TRAPPC9: variants seen among roughly 807,000 people sequenced by gnomAD.
The protein encoded by TRAPPC9 is IKK2 binding protein.
Under a neutral mutation model 124.0 loss-of-function variants are expected in TRAPPC9, and 83 were observed. The observed-to-expected ratio is 0.67, with a 90% CI of 0.56 to 0.80. The LOEUF is 0.80. Among genes scored for constraint, TRAPPC9 ranks in the 30% least tolerant of loss-of-function variants. TRAPPC9 has a pLI of 0.00. For synonymous variants in TRAPPC9, 638 were observed against 617.5 expected (o/e 1.03, Z -0.49); for missense variants, 1,302 against 1,508.3 (o/e 0.86, Z 2.27).
At chr8:140,336,847 G>A (rs1024019683) in intron 9 of TRAPPC9, among the ~76,000 whole-genome samples, 7 of 152,178 alleles carry the variant, frequency 4.6e-5, no homozygotes, top group Admixed American at 3.3e-4. Flanking sequence ...GGAAGAAGAC[G>A]AATTCCACAT....
intron 17 of TRAPPC9, among the ~76,000 whole-genome samples, chr8:140,124,766 G>A (rs918534752): frequency 1.3e-5 from 2 of 152,126 alleles, no homozygotes; most frequent in Non-Finnish European, 2.9e-5. Flanking sequence ...AGTGAGGTGG[G>A]GGTATAATCT....
In TRAPPC9 at chr8:139,948,935, G is replaced by A. The variant is rs888546610; in HGVS notation, c.2811-38635C>T. Among the ~76,000 whole-genome samples, 5 of 152,198 alleles carry A rather than the reference G, an allele frequency of 3.3e-5. No individual in the cohort carries two copies. The East Asian group carries it at 9.7e-4, about 29-fold the overall frequency. On this transcript the variant is annotated intron_variant, in intron 19 of 22. Transcript: ENST00000438773. ...CTACTGAAAATACAAGAACTAGCTA[G>A]TGTGGTGGGCGCCTGTAATCCCAGC...
At chr8:140,133,163 A>G (rs955749157) in intron 17 of TRAPPC9, among the ~76,000 whole-genome samples, 3 of 152,214 alleles carry the variant, frequency 2.0e-5, no homozygotes, top group African/African-American at 7.2e-5. Context: ...AACCCTCAAT[A>G]AAATACTAGG....
At chr8:140,024,265 C>A (rs1460604075) in intron 17 of TRAPPC9, among the ~76,000 whole-genome samples, 186 bp from the exon 18 acceptor site, 1 of 152,100 alleles carries the variant, frequency 6.6e-6, no homozygotes, top group Non-Finnish European at 1.5e-5. Context: ...GACCGACTCA[C>A]ACCCCCAGCG....
At chr8:140,314,422 A>G (rs1157507365) in intron 9 of TRAPPC9, among the ~76,000 whole-genome samples, 2 of 152,242 alleles carry the variant, frequency 1.3e-5, no homozygotes, top group African/African-American at 4.8e-5. Context: ...CAGCGTATCC[A>G]CTGCATCAAA....
At chr8:139,885,354 C>T (rs905322905) in intron 21 of TRAPPC9, among the ~76,000 whole-genome samples, 1 of 152,176 alleles carries the variant, frequency 6.6e-6, no homozygotes, top group African/African-American at 2.4e-5. Flanking sequence ...TTGAACACAA[C>T]GTTGAGTTGA....
chr8:139,975,189 T>C (rs1284558876), intron 19 of TRAPPC9, among the ~76,000 whole-genome samples: 1 of 152,136 alleles, frequency 6.6e-6, no homozygotes, highest in African/African-American at 2.4e-5. Context: ...CCAAACTGCA[T>C]GTGAATGAGG....
chr8:140,024,413 T>A (rs1840003186), intron 17 of TRAPPC9, among the ~76,000 whole-genome samples: 2 of 151,864 alleles, frequency 1.3e-5, no homozygotes, highest in South Asian at 4.2e-4. Flanking sequence ...TTTTTTTTTT[T>A]TTGGAGATGG....
At chr8:140,181,960 G>A (rs1021312043) in intron 17 of TRAPPC9, among the ~76,000 whole-genome samples, 1 of 152,066 alleles carries the variant, frequency 6.6e-6, no homozygotes, top group African/African-American at 2.4e-5. Context: ...CAGGTGCTAG[G>A]CCATGGCATG....
At chr8:139,736,380 C>T (rs574764902) in intron 21 of TRAPPC9, among the ~76,000 whole-genome samples, 3 of 152,308 alleles carry the variant, frequency 2.0e-5, no homozygotes, top group East Asian at 3.9e-4. Context: ...CAATGACTGC[C>T]GACCAAATTA....
intron 19 of TRAPPC9, among the ~76,000 whole-genome samples, chr8:139,921,302 C>A (rs1347333882): frequency 6.6e-6 from 1 of 152,228 alleles, no homozygotes; most frequent in Non-Finnish European, 1.5e-5. Context: ...ACAAATCACA[C>A]TGGGTTTGGT....
chr8:140,257,902 T>A lies in TRAPPC9; in HGVS notation c.2279-4973A>T, dbSNP rs1325514473. ...TTTGTAGCTCTCACTGGGATGTGCA[T>A]GTGAGGAGAACTGCATCACTGTCCT... On this transcript the variant is annotated intron_variant, in intron 15 of 22. Coordinates refer to ENST00000438773, the MANE Select transcript of TRAPPC9 (RefSeq NM_001160372.4). The surrounding 1 kb of genome is among the most constrained non-coding windows in gnomAD (Gnocchi z 4.6). Among the ~76,000 whole-genome samples the A allele has an allele frequency of 6.6e-6, 1 of 152,174 alleles. No homozygotes were observed. Among genetic ancestry groups the A allele is most frequent in the Non-Finnish European group, 1.5e-5 (1 of 68,034 alleles).
rs1303482077 is a variant in TRAPPC9 at position 139,976,445 on chromosome 8, A to G, written c.2810+12281T>C. Among the ~76,000 whole-genome samples the G allele has an allele frequency of 2.0e-5, 3 of 152,150 alleles. No homozygotes were observed. The South Asian group carries it at 6.2e-4, about 31-fold the overall frequency. ...AAACTGTACTTCATCAGCACCTACAATTTCTCTCACCGCTAAGAAAAAGAC... is the reference window on the plus strand; with the variant it reads ...AAACTGTACTTCATCAGCACCTACAGTTTCTCTCACCGCTAAGAAAAAGAC... On this transcript the variant is annotated intron_variant, in intron 19 of 22. Coordinates refer to ENST00000438773, the MANE Select transcript of TRAPPC9 (RefSeq NM_001160372.4).
At chr8:140,205,859 T>G (rs892981581) in intron 17 of TRAPPC9, among the ~76,000 whole-genome samples, 1 of 152,330 alleles carries the variant, frequency 6.6e-6, no homozygotes. Context: ...AGATGCTGAT[T>G]CCCACACAGT....
chr8:139,854,772 T>A (rs1168059366), intron 21 of TRAPPC9, among the ~76,000 whole-genome samples: 1 of 152,228 alleles, frequency 6.6e-6, no homozygotes, highest in Non-Finnish European at 1.5e-5. Flanking sequence ...CTCAGCAGCA[T>A]CTGAGGACTT....
At chr8:140,242,554 G>C (rs1018471950) in intron 16 of TRAPPC9, among the ~76,000 whole-genome samples, 1 of 152,202 alleles carries the variant, frequency 6.6e-6, no homozygotes, top group Non-Finnish European at 1.5e-5. Flanking sequence ...ATCAGAGTTT[G>C]AACAAGCTGA....
intron 21 of TRAPPC9, among the ~76,000 whole-genome samples, chr8:139,763,016 T>A (rs1204241119): frequency 6.6e-6 from 1 of 152,218 alleles, no homozygotes; most frequent in African/African-American, 2.4e-5. Flanking sequence ...CCTGGCTTCC[T>A]GGAAGTGGGG....
At chr8:140,283,606 A>G (rs1452638013) in intron 14 of TRAPPC9, among the ~76,000 whole-genome samples, 1 of 151,842 alleles carries the variant, frequency 6.6e-6, no homozygotes, top group African/African-American at 2.4e-5. Context: ...AAAATTCCCT[A>G]TGTTTTTAAG....
chr8:140,434,540 C>T (rs2070746932), intron 4 of TRAPPC9, among the ~76,000 whole-genome samples: 1 of 152,204 alleles, frequency 6.6e-6, no homozygotes, highest in African/African-American at 2.4e-5. Context: ...ATAAAAAAGA[C>T]TTAGACACAG....
Sources: gnomAD v4.1 joint callset for allele counts (sites outside exome capture counted in the v4.1 genomes callset) on GRCh38, gnomAD v4.1.1 for gene constraint, Gnocchi (gnomAD v3.1) non-coding constraint, MANE v1.5 for transcripts, NCBI Gene and HGNC (gene_info 2026-07-23, HGNC 2026-07-21) for gene names.